YPEL2: variants seen among roughly 807,000 people sequenced by gnomAD.
YPEL2 encodes yippee like 2, also known as protein yippee-like 2.
In YPEL2, 2 loss-of-function variants were observed where a neutral mutation model predicts 19.1. That is an observed-to-expected ratio of 0.10 (90% CI 0.04 to 0.33). The LOEUF is 0.33. Among genes scored for constraint, YPEL2 ranks in the 10% least tolerant of loss-of-function variants. The pLI is 1.00. For missense variants in YPEL2, 66 were observed against 140.7 expected, an observed-to-expected ratio of 0.47 and a Z score of 2.68; for synonymous variants, 52 against 50.0, an observed-to-expected ratio of 1.04 and a Z score of -0.17.
intron 2 of YPEL2, among the ~76,000 whole-genome samples, chr17:59,359,971 C>A (rs900841054): frequency 1.3e-5 from 2 of 152,234 alleles, no homozygotes; most frequent in Non-Finnish European, 2.9e-5. Context: ...GCGATCTCGG[C>A]TCACTGCAAC....
chr17:59,365,185 G>A (rs1567745562), intron 2 of YPEL2, among the ~76,000 whole-genome samples: 1 of 152,176 alleles, frequency 6.6e-6, no homozygotes, highest in East Asian at 1.9e-4. Flanking sequence ...TGTTGCCCTT[G>A]TTTTTGGAGA....
intron 2 of YPEL2, among the ~76,000 whole-genome samples, chr17:59,366,521 AGAGTCGGCCTGAGCTAGCCCAGCC>A (rs1413641246): frequency 6.6e-6 from 1 of 152,158 alleles, no homozygotes; most frequent in Non-Finnish European, 1.5e-5. Context: ...CCTCCCCTGC[AGAGTCGGCCTGAGCTAGCCCAGCC>A]GAGTCGGGCA....
chr17:59,395,071 A>G (rs967781144), intron 4 of YPEL2, among the ~76,000 whole-genome samples: 1 of 152,222 alleles, frequency 6.6e-6, no homozygotes, highest in Non-Finnish European at 1.5e-5. Flanking sequence ...CATCAGAGGG[A>G]GACCGTGGGG....
At chr17:59,386,149 C>A (rs917149261) in intron 2 of YPEL2, among the ~76,000 whole-genome samples, 7 of 139,764 alleles carry the variant, frequency 5.0e-5, no homozygotes, top group Non-Finnish European at 7.6e-5. Flanking sequence ...ATGGCAAGAC[C>A]CTGTCTCTAT....
intron 1 of YPEL2, among the ~76,000 whole-genome samples, chr17:59,338,026 G>T (rs1598023104): frequency 6.6e-6 from 1 of 152,314 alleles, no homozygotes; most frequent in South Asian, 2.1e-4. Context: ...GCAGCATTCT[G>T]CTTGCGAGGT....
chr17:59,382,180 A>G (rs2047952744), intron 2 of YPEL2, among the ~76,000 whole-genome samples: 1 of 152,248 alleles, frequency 6.6e-6, no homozygotes, highest in Non-Finnish European at 1.5e-5. Context: ...CCGAGGAAAC[A>G]GAGGTTCATA....
chr17:59,394,577 T>C (rs1346624505), intron 4 of YPEL2, among the ~76,000 whole-genome samples: 19 of 136,000 alleles, frequency 1.4e-4, no homozygotes, highest in Admixed American at 9.8e-4. Context: ...GGATGGTGGC[T>C]GGGCAGAGAC....
chr17:59,355,692 G>GCTCAGTAA (rs1343683380), intron 2 of YPEL2: 1 of 152,152 alleles, frequency 6.6e-6, no homozygotes, highest in African/African-American at 2.4e-5. Context: ...CATGGCAAGA[G>GCTCAGTAA]CTCAGTAAAT....
At position 59,353,390 on chromosome 17, in the gene YPEL2, C is replaced by T; in HGVS notation, c.-20C>T. On this transcript the variant is annotated 5_prime_UTR_variant, in exon 2 of 5. Coordinates refer to ENST00000312655, the MANE Select transcript of YPEL2 (RefSeq NM_001005404.4). This position sits in a 1 kb window ranked among gnomAD's most constrained non-coding sequence, Gnocchi z 4.8. ...GCCTCGTGGGCTGCCCCAGAGTTCA[C>T]CCCACACTCAGCAGCACCAATGGTG... 2 of 1,541,932 alleles carry T rather than the reference C, an allele frequency of 1.3e-6. No homozygotes were observed. The highest frequency in any genetic ancestry group is 1.8e-6 in the Non-Finnish European group (2 of 1,132,500).
chr17:59,388,160 C>T (rs1270618320), intron 2 of YPEL2, among the ~76,000 whole-genome samples, 167 bp from the exon 3 acceptor site: 1 of 152,144 alleles, frequency 6.6e-6, no homozygotes, highest in African/African-American at 2.4e-5. Flanking sequence ...TAATTCCGCC[C>T]TCTTCTCCGC....
intron 1 of YPEL2, among the ~76,000 whole-genome samples, chr17:59,351,777 T>G (rs1471648919): frequency 1.3e-5 from 2 of 152,236 alleles, no homozygotes; most frequent in African/African-American, 2.4e-5. Context: ...AACAGTCAGA[T>G]AGCTCACATA....
chr17:59,367,777 C>T (rs1190530547), intron 2 of YPEL2, among the ~76,000 whole-genome samples: 23 of 152,280 alleles, frequency 1.5e-4, no homozygotes, highest in Admixed American at 1.4e-3. Flanking sequence ...CAGCCCCAGC[C>T]GTCTAGCACC....
chr17:59,337,193 G>C (rs4088386), intron 1 of YPEL2, among the ~76,000 whole-genome samples: 2 of 143,062 alleles, frequency 1.4e-5, no homozygotes. Context: ...CTTTTTTTTT[G>C]TTTTTTTTGT....
intron 2 of YPEL2, among the ~76,000 whole-genome samples, chr17:59,361,673 T>C (rs1356366458): frequency 6.6e-6 from 1 of 152,220 alleles, no homozygotes; most frequent in Non-Finnish European, 1.5e-5. Flanking sequence ...TGAAATTGCA[T>C]GTGTCATTCT....
chr17:59,364,235 C>A (rs1167782899), intron 2 of YPEL2, among the ~76,000 whole-genome samples: 1 of 152,146 alleles, frequency 6.6e-6, no homozygotes, highest in African/African-American at 2.4e-5. Context: ...GATTAGGAAA[C>A]CAAGGCCCAG....
rs1162288043 is a variant in YPEL2 at position 59,352,377 on chromosome 17, T to C, written c.-195-838T>C. Among the ~76,000 whole-genome samples the C allele has an allele frequency of 1.1e-4, 16 of 152,146 alleles. No individual in the cohort carries two copies. In the East Asian group the frequency reaches 3.1e-3, roughly 29 times the overall value. Reference sequence around the variant, plus strand: ...TCACTTAGTTACCTTGGGAGCCACCTCACTTTCTCATTGTCCTTAGTTCCC... The same window carrying C: ...TCACTTAGTTACCTTGGGAGCCACCCCACTTTCTCATTGTCCTTAGTTCCC... On this transcript the variant is annotated intron_variant, in intron 1 of 4. Coordinates refer to ENST00000312655, the MANE Select transcript of YPEL2 (RefSeq NM_001005404.4).
At chr17:59,332,367 C>A (rs889736948) in intron 1 of YPEL2, among the ~76,000 whole-genome samples, 4 of 152,194 alleles carry the variant, frequency 2.6e-5, no homozygotes, top group Admixed American at 6.5e-5. Flanking sequence ...CGTCGTCTGC[C>A]CCGACCCGGG....
intron 2 of YPEL2, among the ~76,000 whole-genome samples, chr17:59,382,851 C>G (rs1249159249): frequency 2.6e-5 from 4 of 152,108 alleles, no homozygotes. Context: ...CTGTGTTGAC[C>G]AGGCTGGTCT....
chr17:59,334,812 A>C (rs1307583849), intron 1 of YPEL2, among the ~76,000 whole-genome samples: 1 of 152,224 alleles, frequency 6.6e-6, no homozygotes, highest in Non-Finnish European at 1.5e-5. Flanking sequence ...TAACTTTAAT[A>C]ATGTTCAGTT....
Sources: gnomAD v4.1 joint callset for allele counts (sites outside exome capture counted in the v4.1 genomes callset) on GRCh38, gnomAD v4.1.1 for gene constraint, Gnocchi (gnomAD v3.1) non-coding constraint, MANE v1.5 for transcripts, NCBI Gene and HGNC (gene_info 2026-07-23, HGNC 2026-07-21) for gene names.